The following CEP63 variants were observed in gnomAD, a reference collection of about 807,000 sequenced individuals.
CEP63 encodes the protein centrosomal protein of 63 kDa.
In CEP63, 84 loss-of-function variants were observed where a neutral mutation model predicts 89.1. That is an observed-to-expected ratio of 0.94 (90% CI 0.79 to 1.13). The LOEUF is 1.13. CEP63 is among the 50% of genes most tolerant of loss of function. CEP63 has a pLI of 0.00. For missense variants in CEP63, 838 were observed against 813.3 expected (o/e 1.03, Z -0.37); for synonymous variants, 267 against 272.5 (o/e 0.98, Z 0.20).
Position 134,562,069 on chromosome 3 carries a change from G to A in CEP63, c.*534G>A. ...GTCAGGCTGGTAGTGAATAAGGGGG[G>A]GGTGTGCTAAAGAACCTTATCAAGC... On this transcript the variant is annotated 3_prime_UTR_variant, in exon 15 of 15. Coordinates refer to ENST00000675561, the MANE Select transcript of CEP63 (RefSeq NM_001353108.3). 1 of 995,036 alleles carries A rather than the reference G, an allele frequency of 1.0e-6. No homozygotes were observed. Among genetic ancestry groups the A allele is most frequent in the Non-Finnish European group, 1.2e-6 (1 of 835,858 alleles). The allele number at this position is 995,036 out of a possible 1,614,324, so 61.6% of individuals were successfully genotyped here.
the CEP63 span, among the ~76,000 whole-genome samples, chr3:134,657,509 A>C: frequency 2.6e-5 from 4 of 152,210 alleles, no homozygotes; most frequent in African/African-American, 4.8e-5. Context: ...AACTCTTCAA[A>C]AGCTAATTTA....
the CEP63 span, among the ~76,000 whole-genome samples, chr3:134,729,077 G>A: frequency 1.3e-5 from 2 of 151,540 alleles, no homozygotes; most frequent in South Asian, 4.2e-4. Flanking sequence ...TTTGTGGTAG[G>A]GTTTATTTTT....
chr3:134,720,406 T>A, the CEP63 span, among the ~76,000 whole-genome samples: 2 of 152,164 alleles, frequency 1.3e-5, no homozygotes, highest in African/African-American at 4.8e-5. Context: ...CTCCTATTAT[T>A]TGGTTTGTCT....
At chr3:134,749,444 A>G in the CEP63 span, among the ~76,000 whole-genome samples, 1 of 152,150 alleles carries the variant, frequency 6.6e-6, no homozygotes, top group Non-Finnish European at 1.5e-5. Flanking sequence ...TTCAGCGGAG[A>G]GCCAAAAGAG....
the CEP63 span, among the ~76,000 whole-genome samples, chr3:134,609,140 G>T: frequency 6.6e-6 from 1 of 152,236 alleles, no homozygotes; most frequent in Non-Finnish European, 1.5e-5. Flanking sequence ...TTCAAAGGGG[G>T]GAAAGGCATA....
At chr3:134,627,500 A>G in the CEP63 span, among the ~76,000 whole-genome samples, 1 of 152,246 alleles carries the variant, frequency 6.6e-6, no homozygotes, top group Non-Finnish European at 1.5e-5. Flanking sequence ...TGTTTCCTAT[A>G]ATGGTCTGCC....
intron 1 of CEP63, among the ~76,000 whole-genome samples, chr3:134,488,925 A>C (rs1157872757): frequency 6.6e-6 from 1 of 152,158 alleles, no homozygotes; most frequent in Non-Finnish European, 1.5e-5. Context: ...TGGGAGGCTG[A>C]GGTGGGTGGA....
At chr3:134,767,042 C>A in the CEP63 span, among the ~76,000 whole-genome samples, 1 of 152,178 alleles carries the variant, frequency 6.6e-6, no homozygotes, top group Admixed American at 6.5e-5. Context: ...CCCACACAGA[C>A]CAGGCTTTGC....
the CEP63 span, among the ~76,000 whole-genome samples, chr3:134,679,862 A>G: frequency 6.6e-6 from 1 of 152,134 alleles, no homozygotes; most frequent in Non-Finnish European, 1.5e-5. Context: ...AGCTGGGACT[A>G]CAGGAGTGCG....
At chr3:134,509,794 C>A in intron 3 of CEP63, among the ~76,000 whole-genome samples, 1 of 152,086 alleles carries the variant, frequency 6.6e-6, no homozygotes, top group East Asian at 1.9e-4. Flanking sequence ...TCAATCATAC[C>A]TAAATAATGT....
the CEP63 span, among the ~76,000 whole-genome samples, chr3:134,675,109 G>C: frequency 6.6e-6 from 1 of 152,134 alleles, no homozygotes; most frequent in African/African-American, 2.4e-5. Context: ...AACACAATTG[G>C]AGAACTCATA....
chr3:134,752,354 G>A, the CEP63 span, among the ~76,000 whole-genome samples: 1 of 152,142 alleles, frequency 6.6e-6, no homozygotes, highest in African/African-American at 2.4e-5. Flanking sequence ...TGTGCCTGAG[G>A]AAAGTGTCCA....
At position 134,531,760 on chromosome 3, in the gene CEP63, TAC is replaced by T. The variant is rs2109045622; in HGVS notation, c.223-83_223-82del. The T allele has an allele frequency of 4.9e-6, 5 of 1,018,636 alleles. No homozygotes were observed. In the South Asian group the frequency reaches 6.6e-5, roughly 13 times the overall value. The allele number at this position is 1,018,636 out of a possible 1,614,324, so 63.1% of individuals were successfully genotyped here. ...TTGAGAACTTGAATTTACAAATAAATACAGAGATTATTTTCTATTTTTATATC... is the reference window on the plus strand; with the variant it reads ...TTGAGAACTTGAATTTACAAATAAATAGAGATTATTTTCTATTTTTATATC... On this transcript the variant is annotated intron_variant, in intron 3 of 14. Transcript: ENST00000675561.
the CEP63 span, among the ~76,000 whole-genome samples, chr3:134,716,245 C>T: frequency 6.6e-6 from 1 of 152,186 alleles, no homozygotes; most frequent in Admixed American, 6.5e-5. Flanking sequence ...CCTGTAGGCC[C>T]TGTGGCTGTA....
chr3:134,702,200 C>CA, the CEP63 span, among the ~76,000 whole-genome samples: 1 of 151,742 alleles, frequency 6.6e-6, no homozygotes, highest in African/African-American at 2.4e-5. Flanking sequence ...AACCACTGCT[C>CA]AAAAAAATCA....
At chr3:134,764,125 GT>G in the CEP63 span, among the ~76,000 whole-genome samples, 1 of 152,206 alleles carries the variant, frequency 6.6e-6, no homozygotes, top group Non-Finnish European at 1.5e-5. Flanking sequence ...TAGCAAACAA[GT>G]TTAGTTTCAT....
chr3:134,744,053 C>T, the CEP63 span, among the ~76,000 whole-genome samples: 2 of 152,154 alleles, frequency 1.3e-5, no homozygotes, highest in Non-Finnish European at 2.9e-5. Flanking sequence ...ATTCACCCCA[C>T]CCCCAGCCAT....
the CEP63 span, chr3:134,606,859 C>G: frequency 8.7e-6 from 8 of 922,282 alleles, no homozygotes; most frequent in Non-Finnish European, 1.0e-5. Flanking sequence ...TCTCCTAGAG[C>G]CTGGCAGCTT....
the CEP63 span, among the ~76,000 whole-genome samples, chr3:134,678,491 C>T: frequency 4.6e-5 from 7 of 152,276 alleles, no homozygotes; most frequent in South Asian, 8.3e-4. Context: ...GTGTAATGCC[C>T]AGCCCTCACC....
Sources: gnomAD v4.1 joint callset for allele counts (sites outside exome capture counted in the v4.1 genomes callset) on GRCh38, gnomAD v4.1.1 for gene constraint, MANE v1.5 for transcripts, NCBI Gene and HGNC (gene_info 2026-07-23, HGNC 2026-07-21) for gene names.